PATJ: variants seen among roughly 807,000 people sequenced by gnomAD.
PATJ encodes the protein PATJ crumbs cell polarity complex component.
A neutral mutation model predicts 224.9 loss-of-function variants in PATJ; 190 were observed. That is an observed-to-expected ratio of 0.84 (90% CI 0.75 to 0.95). PATJ has a LOEUF of 0.95. PATJ is among the 40% of genes least tolerant of loss of function. PATJ has a pLI of 0.00. For synonymous variants in PATJ, 769 were observed against 820.3 expected, an observed-to-expected ratio of 0.94 and a Z score of 1.07; for missense variants, 2,121 against 2,270.3, an observed-to-expected ratio of 0.93 and a Z score of 1.34.
chr1:61,816,753 A>T (rs1656188647), intron 14 of PATJ, among the ~76,000 whole-genome samples: 1 of 152,110 alleles, frequency 6.6e-6, no homozygotes, highest in Non-Finnish European at 1.5e-5. Context: ...TCCAGGATGT[A>T]ATTTTATACT....
chr1:62,081,207 A>G (rs770761986), intron 32 of PATJ, among the ~76,000 whole-genome samples: 4 of 152,206 alleles, frequency 2.6e-5, no homozygotes, highest in Non-Finnish European at 4.4e-5. Flanking sequence ...TCACATATTT[A>G]TACTTAGATG....
chr1:62,078,836 G>C (rs1454235335), intron 31 of PATJ: 1 of 150,842 alleles, frequency 6.6e-6, no homozygotes, highest in Admixed American at 6.6e-5. Context: ...TAGGTGCCTG[G>C]AACATAGTAG....
At chr1:61,845,738 A>G (rs1570858862) in intron 17 of PATJ, among the ~76,000 whole-genome samples, 1 of 152,322 alleles carries the variant, frequency 6.6e-6, no homozygotes, top group East Asian at 1.9e-4. Flanking sequence ...AATCTTTTCT[A>G]AAGAATGAAG....
At chr1:61,997,389 A>T (rs1645427694) in intron 28 of PATJ, among the ~76,000 whole-genome samples, 1 of 152,194 alleles carries the variant, frequency 6.6e-6, no homozygotes, top group African/African-American at 2.4e-5. Flanking sequence ...CACTAAGTGC[A>T]GTCCTCTGGT....
intron 27 of PATJ, among the ~76,000 whole-genome samples, chr1:61,936,174 C>T (rs1225050936): frequency 6.6e-6 from 1 of 151,830 alleles, no homozygotes; most frequent in Non-Finnish European, 1.5e-5. Flanking sequence ...AATCCCTACT[C>T]ATTAGCAGTC....
At chr1:61,942,609 G>A (rs1451178564) in intron 27 of PATJ, among the ~76,000 whole-genome samples, 1 of 151,634 alleles carries the variant, frequency 6.6e-6, no homozygotes, top group East Asian at 1.9e-4. Context: ...GGAGTACAGG[G>A]GCACGATCTC....
chr1:61,805,183 C>A (rs947514244), intron 12 of PATJ, among the ~76,000 whole-genome samples: 1 of 152,154 alleles, frequency 6.6e-6, no homozygotes, highest in African/African-American at 2.4e-5. Flanking sequence ...TAACTCATCA[C>A]GTCCTCTTTC....
At chr1:61,749,252 C>T (rs921596871) in intron 1 of PATJ, among the ~76,000 whole-genome samples, 16 of 151,770 alleles carry the variant, frequency 1.1e-4, no homozygotes, top group Non-Finnish European at 4.4e-5. Flanking sequence ...GTGATCCACC[C>T]GCCTCAGCCT....
At chr1:61,879,611 CT>C (rs59233481) in intron 21 of PATJ, among the ~76,000 whole-genome samples, 138,046 of 146,312 alleles carry the variant, frequency 0.94, 65,113 homozygotes, top group East Asian at 1. Context: ...AGAATTTTTC[CT>C]TTTTTTTTTT....
At chr1:62,049,538 A>C (rs1260743984) in intron 30 of PATJ, among the ~76,000 whole-genome samples, 1 of 152,216 alleles carries the variant, frequency 6.6e-6, no homozygotes, top group Non-Finnish European at 1.5e-5. Context: ...GTGATTAAAA[A>C]TAAAAGTCCA....
At chr1:62,153,986 C>G (rs1668900302) in intron 43 of PATJ, among the ~76,000 whole-genome samples, 1 of 152,146 alleles carries the variant, frequency 6.6e-6, no homozygotes, top group South Asian at 2.1e-4. Context: ...TCACTGCAAC[C>G]TCTGCCTCCC....
intron 30 of PATJ, among the ~76,000 whole-genome samples, chr1:62,040,927 A>G (rs1468875714): frequency 6.6e-6 from 1 of 152,250 alleles, no homozygotes; most frequent in African/African-American, 2.4e-5. Context: ...CAAAACAAAC[A>G]GAAGTTTAAT....
chr1:61,856,053 A>G lies in PATJ; in HGVS notation c.2136A>G (p.Ser712=). The G allele has an allele frequency of 6.2e-7, 1 of 1,614,014 alleles. No individual in the cohort carries two copies. Among genetic ancestry groups the G allele is most frequent in the East Asian group, 2.2e-5 (1 of 44,862 alleles). Residue 712 remains serine, a synonymous_variant, in exon 18 of 44, where the codon TCA becomes TCG. Coordinates refer to ENST00000642238, the MANE Select transcript of PATJ (RefSeq NM_001350145.3). The stretch of plus-strand genomic sequence containing the variant: ...AGGACCCTTTAGATCCTACAAGATC[A>G]GTGATTGTGATCCGCTCCCTGGTAG... ...DYQDPLDPTR[S]VIVIRSLVAD... is the part of the protein sequence containing the mutation.
chr1:61,957,890 C>A (rs1369903473), intron 27 of PATJ, among the ~76,000 whole-genome samples: 1 of 152,124 alleles, frequency 6.6e-6, no homozygotes, highest in Non-Finnish European at 1.5e-5. Flanking sequence ...ACTGTGTATA[C>A]TTGAGCAAAT....
chr1:61,990,154 A>G lies in PATJ; in HGVS notation c.3671-14A>G, dbSNP rs746083119. The G allele has an allele frequency of 6.4e-7, 1 of 1,564,040 alleles. No individual in the cohort carries two copies. The highest frequency in any genetic ancestry group is 1.4e-5 in the African/African-American group (1 of 71,416). The stretch of plus-strand genomic sequence containing the variant: ...AAGCTACTCTATTTAATTTTAAAAA[A>G]ATTCTTTTAATAGAAAAAATCAGAC... On this transcript the variant is annotated splice_polypyrimidine_tract_variant and intron_variant, in intron 27 of 43. Coordinates refer to ENST00000642238, the MANE Select transcript of PATJ (RefSeq NM_001350145.3).
Position 62,114,135 on chromosome 1 carries a change from T to C in PATJ, c.4544T>C (p.Val1515Ala), listed in dbSNP as rs200075912. 1 of 1,611,716 alleles carries C rather than the reference T, an allele frequency of 6.2e-7. No homozygotes were observed. Among genetic ancestry groups the C allele is most frequent in the Admixed American group, 1.7e-5 (1 of 59,842 alleles). Residue 1515 changes from valine to alanine, a missense_variant, in exon 35 of 44, where the codon GTG becomes GCG. Val to Ala is a moderately conservative substitution (Grantham distance 64, BLOSUM62 0). Transcript: ENST00000642238. ...LRQTPQKVRL[V>A]VYRDEAHYRD... ...CAGACCCCCCAGAAGGTGCGGCTGG[T>C]GGTGTATAGAGATGAGGCACACTAC...
intron 31 of PATJ, among the ~76,000 whole-genome samples, chr1:62,074,317 C>T (rs910134961): frequency 1.8e-4 from 27 of 151,736 alleles, no homozygotes; most frequent in Admixed American, 7.9e-4. Flanking sequence ...TGTAACAAAC[C>T]TGCACGTTGT....
intron 28 of PATJ, among the ~76,000 whole-genome samples, chr1:61,995,965 C>T (rs189531701): frequency 2.6e-5 from 4 of 152,272 alleles, no homozygotes; most frequent in Admixed American, 1.3e-4. Flanking sequence ...CCAGAAGGAA[C>T]AAAGTGGGTG....
chr1:62,148,568 ACCATTGTTGCAGGGC>A (rs1265853895), intron 42 of PATJ, among the ~76,000 whole-genome samples, 178 bp downstream of exon 42: 2 of 152,286 alleles, frequency 1.3e-5, no homozygotes, highest in South Asian at 2.1e-4. Flanking sequence ...TTCTTGAAAG[ACCATTGTTGCAGGGC>A]CTGCACACAC....
Sources: allele counts gnomAD v4.1 joint callset (sites outside exome capture counted in the v4.1 genomes callset), GRCh38; gene constraint gnomAD v4.1.1; transcripts MANE v1.5; gene names NCBI Gene and HGNC (gene_info 2026-07-23, HGNC 2026-07-21).